The following PTPRD variants were observed in gnomAD, a reference collection of about 807,000 sequenced individuals.
The protein encoded by PTPRD is protein tyrosine phosphatase receptor type D.
In PTPRD, 34 loss-of-function variants were observed where a neutral mutation model predicts 214.5. The ratio of observed to expected loss-of-function variants is 0.16; its 90% CI spans 0.12 to 0.21. The LOEUF (loss-of-function observed/expected upper bound fraction) is 0.21, where lower values mean the gene tolerates loss of function less well. PTPRD is among the 10% of genes least tolerant of loss of function. The pLI, the probability that PTPRD is intolerant of heterozygous loss-of-function variation, is 1.00. For synonymous variants in PTPRD, 1,128 were observed against 845.7 expected (o/e 1.33, Z -5.79); for missense variants, 2,545 against 2,398.7 (o/e 1.06, Z -1.27).
At chr9:8,714,121 C>G (rs1190793432) in intron 12 of PTPRD, among the ~76,000 whole-genome samples, 2 of 152,162 alleles carry the variant, frequency 1.3e-5, no homozygotes, top group African/African-American at 4.8e-5. Flanking sequence ...AAGCGGGTCA[C>G]AAACCTAAAG....
intron 11 of PTPRD, among the ~76,000 whole-genome samples, chr9:8,918,541 C>T (rs909064877): frequency 6.6e-6 from 1 of 152,044 alleles, no homozygotes; most frequent in African/African-American, 2.4e-5. Flanking sequence ...CTGAGCAGCA[C>T]TACGAGAGAG....
chr9:9,504,807 C>G lies in PTPRD; in HGVS notation c.-237+69925G>C, dbSNP rs1319050758. 2.0e-5 allele frequency among the ~76,000 whole-genome samples: 3 copies of G among 151,390 alleles called. No homozygotes were observed. In the South Asian group the frequency reaches 6.2e-4, roughly 31 times the overall value. ...CTAATAAATGATTTCAGTAAAATTA[C>G]AAGATTGAAAATCAATATGCAAAAA... On this transcript the variant is annotated intron_variant, in intron 8 of 45. Coordinates refer to ENST00000381196, the MANE Select transcript of PTPRD (RefSeq NM_002839.4).
chr9:9,684,665 T>C (rs917227672), intron 7 of PTPRD, among the ~76,000 whole-genome samples: 1 of 151,404 alleles, frequency 6.6e-6, no homozygotes, highest in African/African-American at 2.4e-5. Context: ...TGTTACAAAT[T>C]ATTTTTATAA....
chr9:8,322,131 A>C (rs1828987627), intron 44 of PTPRD, among the ~76,000 whole-genome samples: 1 of 152,082 alleles, frequency 6.6e-6, no homozygotes, highest in Non-Finnish European at 1.5e-5. Flanking sequence ...CTGCTTCACC[A>C]ACCAGCAGTT....
chr9:8,980,189 T>C (rs993296935), intron 11 of PTPRD, among the ~76,000 whole-genome samples: 2 of 151,664 alleles, frequency 1.3e-5, no homozygotes, highest in Non-Finnish European at 2.9e-5. Flanking sequence ...AGAAGTCAAA[T>C]ACACAGAGAT....
intron 2 of PTPRD, among the ~76,000 whole-genome samples, chr9:10,449,768 C>G (rs2130780117): frequency 6.6e-6 from 1 of 151,892 alleles, no homozygotes; most frequent in African/African-American, 2.4e-5. Flanking sequence ...GAGAACGGGC[C>G]ATGATGACGA....
chr9:9,485,001 T>C (rs1229021921), intron 8 of PTPRD, among the ~76,000 whole-genome samples: 1 of 152,182 alleles, frequency 6.6e-6, no homozygotes, highest in African/African-American at 2.4e-5. Context: ...ATTATGCATA[T>C]GGATGTGTAA....
intron 10 of PTPRD, among the ~76,000 whole-genome samples, chr9:9,164,243 G>A (rs1053114367): frequency 2.6e-5 from 4 of 152,046 alleles, no homozygotes; most frequent in Non-Finnish European, 4.4e-5. Context: ...GCTTTTAGAG[G>A]CTACCTGTAT....
intron 35 of PTPRD, among the ~76,000 whole-genome samples, chr9:8,432,690 C>G (rs1318416524): frequency 6.6e-6 from 1 of 152,154 alleles, no homozygotes; most frequent in Admixed American, 6.5e-5. Flanking sequence ...CAATTTTTCC[C>G]CACAAAATGT....
At chr9:9,366,740 T>C (rs1418941749) in intron 9 of PTPRD, among the ~76,000 whole-genome samples, 1 of 151,404 alleles carries the variant, frequency 6.6e-6, no homozygotes, top group Non-Finnish European at 1.5e-5. Context: ...TATGGAAAAA[T>C]TCTTCCGAGT....
chr9:10,422,192 A>C (rs1037458157), intron 2 of PTPRD, among the ~76,000 whole-genome samples: 3 of 152,074 alleles, frequency 2.0e-5, no homozygotes, highest in Non-Finnish European at 4.4e-5. Flanking sequence ...CAAACCTGAC[A>C]AAAACAAGAA....
intron 8 of PTPRD, chr9:9,442,350 C>T (rs943373109): frequency 2.0e-5 from 3 of 152,232 alleles, no homozygotes; most frequent in Non-Finnish European, 4.4e-5. Flanking sequence ...GTTCCTTTCG[C>T]CTGAGCTCAT....
chr9:10,246,504 AAAGTCCT>A (rs2092128677), intron 3 of PTPRD, among the ~76,000 whole-genome samples: 2 of 152,180 alleles, frequency 1.3e-5, no homozygotes, highest in African/African-American at 4.8e-5. Flanking sequence ...TTGGGGTACC[AAAGTCCT>A]GGGGGTGCGG....
At chr9:8,656,528 T>C (rs2096912835) in intron 12 of PTPRD, among the ~76,000 whole-genome samples, 1 of 152,132 alleles carries the variant, frequency 6.6e-6, no homozygotes, top group Non-Finnish European at 1.5e-5. Context: ...CTTGCATAGG[T>C]ACCACACGTC....
intron 9 of PTPRD, among the ~76,000 whole-genome samples, chr9:9,292,089 A>G (rs1951343658): frequency 1.3e-5 from 2 of 151,342 alleles, no homozygotes; most frequent in Non-Finnish European, 3.0e-5. Context: ...GCTTTGTATT[A>G]TCTATGAGAC....
chr9:10,155,299 A>G (rs904517057), intron 3 of PTPRD, among the ~76,000 whole-genome samples: 1 of 151,840 alleles, frequency 6.6e-6, no homozygotes, highest in South Asian at 2.1e-4. Context: ...TGTTGGTTTT[A>G]TATCATGAGA....
intron 8 of PTPRD, among the ~76,000 whole-genome samples, chr9:9,511,501 A>G (rs1431934633): frequency 3.3e-5 from 5 of 151,744 alleles, no homozygotes; most frequent in Non-Finnish European, 7.4e-5. Flanking sequence ...GCCTAACTGA[A>G]AAAACAAAAA....
At position 9,361,021 on chromosome 9, in the gene PTPRD, A is replaced by G. The variant is rs544553244; in HGVS notation, c.-203+36428T>C. ...GGTTAATATTTGAATACATGGCCAAATATTTTCAGTCCTGAGGTTCTCAAT... is the reference window on the plus strand; with the variant it reads ...GGTTAATATTTGAATACATGGCCAAGTATTTTCAGTCCTGAGGTTCTCAAT... On this transcript the variant is annotated intron_variant, in intron 9 of 45. Coordinates refer to ENST00000381196, the MANE Select transcript of PTPRD (RefSeq NM_002839.4). 4.0e-5 allele frequency among the ~76,000 whole-genome samples: 6 copies of G among 151,294 alleles called. No homozygotes were observed. In the South Asian group the frequency reaches 1.2e-3, roughly 31 times the overall value.
intron 6 of PTPRD, among the ~76,000 whole-genome samples, chr9:9,757,660 G>T (rs1397037415): frequency 6.6e-6 from 1 of 152,028 alleles, no homozygotes; most frequent in African/African-American, 2.4e-5. Flanking sequence ...AGGATGTGGG[G>T]TTTGGGATTA....
Sources: gnomAD v4.1 joint callset for allele counts (sites outside exome capture counted in the v4.1 genomes callset) on GRCh38, gnomAD v4.1.1 for gene constraint, MANE v1.5 for transcripts, NCBI Gene and HGNC (gene_info 2026-07-23, HGNC 2026-07-21) for gene names.